Variants in ITIH4 observed in about 807,000 individuals in gnomAD.
The protein encoded by ITIH4 is inter-alpha-trypsin inhibitor heavy chain H4.
ITIH4 carries 79 observed loss-of-function variants against 111.8 expected under a neutral mutation model. The ratio of observed to expected loss-of-function variants is 0.71; its 90% CI spans 0.59 to 0.85. ITIH4 has a LOEUF of 0.85. ITIH4 is among the 40% of genes least tolerant of loss of function. The probability of loss-of-function intolerance (pLI) is 0.00; values close to 1 mark genes in which losing one functional copy is unlikely to be tolerated. For synonymous variants in ITIH4, 472 were observed against 468.3 expected, an observed-to-expected ratio of 1.01 and a Z score of -0.10; for missense variants, 1,065 against 1,195.8, an observed-to-expected ratio of 0.89 and a Z score of 1.61.
chr3:52,815,313 A>G (rs1295410696), intron 21 of ITIH4, among the ~76,000 whole-genome samples: 1 of 147,560 alleles, frequency 6.8e-6, no homozygotes, highest in Non-Finnish European at 1.5e-5. Flanking sequence ...GTGCAATCTC[A>G]GCTCACTGCA....
In ITIH4 at chr3:52,820,741, G is replaced by A. The variant is rs369133267; in HGVS notation, c.1724C>T (p.Ala575Val). ...GCTGTAGGCAAGTGATAAATTCAGC[G>A]CTTGGTTCCGGAGGGCCTGCTGATC... is the stretch of plus-strand genomic sequence containing the variant. ...DADQQALRNQALNLSLAYSFV... is the reference protein window; with the variant it reads ...DADQQALRNQVLNLSLAYSFV... Residue 575 changes from alanine (A) to valine (V), a missense_variant, in exon 13 of 24, where the codon GCG (alanine) becomes GTG (valine). Transcript: ENST00000266041. The A allele has an allele frequency of 2.5e-5, 40 of 1,613,870 alleles. No individual in the cohort carries two copies. The highest frequency in any genetic ancestry group is 1.5e-4 in the African/African-American group (11 of 74,924).
chr3:52,814,363 G>C lies in ITIH4; in HGVS notation c.2472C>G (p.Gly824=). The stretch of plus-strand genomic sequence containing the variant: ...CCGTCTTGTCCATGGTCATCTTCAG[G>C]CTGTGGAAAGACCCAGTGTCTTGAG... ...WKETLFSVMP[G]LKMTMDKTGL... is the part of the protein sequence containing the mutation. Residue 824 remains glycine (G), a splice_region_variant and synonymous_variant, in exon 22 of 24, where the codon GGC becomes GGG. Transcript: ENST00000266041. The C allele has an allele frequency of 6.2e-7, 1 of 1,613,750 alleles. No homozygotes were observed. The highest frequency in any genetic ancestry group is 8.5e-7 in the Non-Finnish European group (1 of 1,179,756).
At chr3:52,828,351 G>A (rs543259190) in intron 2 of ITIH4, among the ~76,000 whole-genome samples, 39 of 152,338 alleles carry the variant, frequency 2.6e-4, no homozygotes, top group African/African-American at 8.9e-4. Flanking sequence ...TAGAGGCTGC[G>A]GTGGAGTGGG....
intron 21 of ITIH4, among the ~76,000 whole-genome samples, chr3:52,816,091 A>T (rs749488479): frequency 2.4e-4 from 37 of 152,336 alleles, no homozygotes; most frequent in Non-Finnish European, 3.5e-4. Context: ...GCTTGGTGAG[A>T]CAGGGCTGGA....
At chr3:52,830,314 G>A (rs1299108584) in intron 1 of ITIH4, 2 of 603,902 alleles carry the variant, frequency 3.3e-6, no homozygotes, top group East Asian at 3.4e-5. Flanking sequence ...AGCCAGGCTT[G>A]TAAAACTGTA....
intron 5 of ITIH4, among the ~76,000 whole-genome samples, chr3:52,826,310 G>A (rs942382238): frequency 1.1e-4 from 17 of 152,134 alleles, no homozygotes; most frequent in African/African-American, 4.1e-4. Context: ...CTATTATCCA[G>A]CCCCTTCCCA....
In ITIH4 at chr3:52,824,438, T is replaced by A. The variant is rs1700449102; in HGVS notation, c.1004A>T (p.Asn335Ile). The change falls in exon 8 of 24, where the codon AAC becomes ATC. Residue 335 changes from asparagine (N) to isoleucine (I), a missense_variant. Coordinates refer to ENST00000266041, the MANE Select transcript of ITIH4 (RefSeq NM_002218.5). This position sits in a 1 kb window ranked among gnomAD's most constrained non-coding sequence, Gnocchi z 4.3. Reference protein sequence around the residue: ...SLVPASAENVNKARSFAAGIQ... With the variant: ...SLVPASAENVIKARSFAAGIQ... ...GCCCGCAGCAAAGCTCCTGGCCTTG[T>A]TCACGTTCTCGGCTGAGGCTGGCAC... The A allele has an allele frequency of 6.2e-7, 1 of 1,614,160 alleles. No homozygotes were observed. Among genetic ancestry groups the A allele is most frequent in the Non-Finnish European group, 8.5e-7 (1 of 1,180,020 alleles).
Position 52,824,025 on chromosome 3 carries a change from T to A in ITIH4, c.1172-21A>T. 1 of 1,544,738 alleles carries A rather than the reference T, an allele frequency of 6.5e-7. No homozygotes were observed. ...CTCCCCTGGACCCAGGGGTTTGGGA[T>A]GAGGGTGAGAAAATAGTGATTTGCT... On this transcript the variant is annotated intron_variant, in intron 9 of 23. Coordinates refer to ENST00000266041, the MANE Select transcript of ITIH4 (RefSeq NM_002218.5). This position sits in a 1 kb window ranked among gnomAD's most constrained non-coding sequence, Gnocchi z 4.3.
At chr3:52,820,426 A>G (rs1447476744) in intron 13 of ITIH4, 109 bp from the exon 14 acceptor site, 1 of 1,278,456 alleles carries the variant, frequency 7.8e-7, no homozygotes, top group Non-Finnish European at 1.1e-6. Flanking sequence ...TTGCTACCCA[A>G]TCCTGGACTA....
In ITIH4 at chr3:52,814,285, C is replaced by G. The variant is rs148943741; in HGVS notation, c.2550G>C (p.Trp850Cys). 5.6e-6 allele frequency: 9 copies of G among 1,614,062 alleles called. 1 individual carries two copies. Among genetic ancestry groups the G allele is most frequent in the East Asian group, 2.2e-5 (1 of 44,884 alleles). Reference sequence around the variant, plus strand: ...GCCGGAGCCCCTCCCCACGGCCATCCCAGAACAACAGGCCGATGGTCACTT... The same window carrying G: ...GCCGGAGCCCCTCCCCACGGCCATCGCAGAACAACAGGCCGATGGTCACTT... Reference protein sequence around the residue: ...PDKVTIGLLFWDGRGEGLRLL... With the variant: ...PDKVTIGLLFCDGRGEGLRLL... Residue 850 changes from tryptophan to cysteine, a missense_variant, in exon 22 of 24, where the codon TGG (tryptophan) becomes TGC (cysteine). Trp to Cys is a radical substitution (Grantham distance 215, BLOSUM62 -2). Coordinates refer to ENST00000266041, the MANE Select transcript of ITIH4 (RefSeq NM_002218.5).
In ITIH4 at chr3:52,824,338, G is replaced by A. The variant is rs930240892; in HGVS notation, c.1046-23C>T. 5 of 1,612,034 alleles carry A rather than the reference G, an allele frequency of 3.1e-6. No individual in the cohort carries two copies. The African/African-American group carries it at 6.7e-5, about 22-fold the overall frequency. ...TCCCTGAGGAACACGCACTCTCAAG[G>A]TGGTCCCCAGCCAGGAGCCCTGGAA... On this transcript the variant is annotated intron_variant, in intron 8 of 23. Transcript: ENST00000266041. The surrounding 1 kb of genome is among the most constrained non-coding windows in gnomAD (Gnocchi z 4.3).
intron 17 of ITIH4, 63 bp downstream of exon 17, chr3:52,819,330 T>A: frequency 2.5e-6 from 4 of 1,601,054 alleles, no homozygotes; most frequent in Non-Finnish European, 3.4e-6. Context: ...CCCCCCTCTA[T>A]GGGGCAGGCT....
intron 21 of ITIH4, among the ~76,000 whole-genome samples, chr3:52,816,199 C>T (rs569322330): frequency 2.8e-4 from 43 of 152,286 alleles, no homozygotes; most frequent in African/African-American, 9.4e-4. Context: ...CCTTCCTGGA[C>T]GCCCCTCGTG....
intron 17 of ITIH4, 61 bp from the exon 18 acceptor site, chr3:52,818,597 C>T: frequency 7.1e-7 from 1 of 1,416,214 alleles, no homozygotes; most frequent in Non-Finnish European, 9.8e-7. Flanking sequence ...GGCGGGCAAC[C>T]AGCAGCGCTG....
At chr3:52,819,306 C>G in intron 17 of ITIH4, 87 bp downstream of exon 17, 2 of 1,500,308 alleles carry the variant, frequency 1.3e-6, no homozygotes, top group South Asian at 2.3e-5. Context: ...CCCTGTGGTG[C>G]GTGCTTTACC....
rs1450539395 is a variant in ITIH4 at position 52,829,183 on chromosome 3, T to A, written c.187A>T (p.Thr63Ser). 3.7e-6 allele frequency: 6 copies of A among 1,613,722 alleles called. No individual in the cohort carries two copies. Among genetic ancestry groups the A allele is most frequent in the Non-Finnish European group, 4.2e-6 (5 of 1,179,754 alleles). The change falls in exon 2 of 24, where the codon ACT (threonine) becomes TCT (serine). Residue 63 changes from threonine to serine, a missense_variant. Physicochemically the swap from Thr to Ser is moderately conservative, Grantham distance 58. Coordinates refer to ENST00000266041, the MANE Select transcript of ITIH4 (RefSeq NM_002218.5). ...VTSRVVNRAN[T>S]VQEATFQMEL... is the part of the protein sequence containing the mutation. ...ATCTGGAAGGTGGCCTCCTGCACAGTATTGGCCCTATTGACCACTCGGCTG... is the reference window on the plus strand; with the variant it reads ...ATCTGGAAGGTGGCCTCCTGCACAGAATTGGCCCTATTGACCACTCGGCTG...
rs756836230 is a variant in ITIH4 at position 52,814,071 on chromosome 3, C to T, written c.2627G>A (p.Gly876Asp). 2.5e-6 allele frequency: 4 copies of T among 1,613,676 alleles called. No individual in the cohort carries two copies. In the East Asian group the frequency reaches 6.7e-5, roughly 27 times the overall value. ...CCAGAGCACCTCCTGGTAAAACTGG[C>T]CTGAGATACAAAGGGTGGATCAGTA... is the stretch of plus-strand genomic sequence containing the variant. ...RFSSHVGGTL[G>D]QFYQEVLWGS... Residue 876 changes from glycine (G) to aspartate (D), a missense_variant and splice_region_variant, in exon 23 of 24, where the codon GGC becomes GAC. Coordinates refer to ENST00000266041, the MANE Select transcript of ITIH4 (RefSeq NM_002218.5).
Position 52,827,130 on chromosome 3 carries a change from C to T in ITIH4, c.319G>A (p.Ala107Thr), listed in dbSNP as rs759298755. The change falls in exon 3 of 24, where the codon GCA becomes ACA. Residue 107 changes from alanine (A) to threonine (T), a missense_variant. Transcript: ENST00000266041. ...EKAEAQAQYS[A>T]AVAKGKSAGL... ...GCGCTCTTTCCCTTGGCCACTGCTGCGCTGTACTGTGCCTGGGCTTCAGCC... is the reference window on the plus strand; with the variant it reads ...GCGCTCTTTCCCTTGGCCACTGCTGTGCTGTACTGTGCCTGGGCTTCAGCC... The T allele has an allele frequency of 2.8e-5, 46 of 1,614,186 alleles. No homozygotes were observed. The Middle Eastern group carries it at 6.6e-4, about 23-fold the overall frequency.
intron 17 of ITIH4, chr3:52,818,913 T>G: frequency 3.2e-6 from 1 of 308,018 alleles, no homozygotes. Flanking sequence ...AGGCCTGATG[T>G]CCATACACTG....
Sources: gnomAD v4.1 joint callset for allele counts (sites outside exome capture counted in the v4.1 genomes callset) on GRCh38, gnomAD v4.1.1 for gene constraint, Gnocchi (gnomAD v3.1) non-coding constraint, MANE v1.5 for transcripts, NCBI Gene and HGNC (gene_info 2026-07-23, HGNC 2026-07-21) for gene names.